The following WDR18 variants were observed in gnomAD, a reference collection of about 807,000 sequenced individuals.
WDR18 encodes WD repeat domain 18.
Under a neutral mutation model 49.6 loss-of-function variants are expected in WDR18, and 33 were observed. That is an observed-to-expected ratio of 0.67 (90% CI 0.50 to 0.89). WDR18 has a LOEUF of 0.89. Ranked by LOEUF, WDR18 falls within the 40% of genes least tolerant of loss-of-function variation. The pLI, the probability that WDR18 is intolerant of heterozygous loss-of-function variation, is 0.00. For synonymous variants in WDR18, 315 were observed against 263.6 expected (o/e 1.19, Z -1.89); for missense variants, 653 against 593.6 (o/e 1.10, Z -1.04).
At chr19:990,532 C>T (rs1440196129) in intron 4 of WDR18, 168 bp downstream of exon 4, 2 of 1,065,768 alleles carry the variant, frequency 1.9e-6, no homozygotes, top group East Asian at 5.7e-5. Context: ...GTCTGCCAGC[C>T]TGGAAATTCC....
At chr19:983,561 C>T (rs1599442054), upstream of WDR18, among the ~76,000 whole-genome samples, 1 of 141,962 alleles carries the variant, frequency 7.0e-6, no homozygotes, top group Admixed American at 7.0e-5. Context: ...AGCGCCCGGC[C>T]TTTTTTTTTT....
At chr19:990,828 C>T in intron 4 of WDR18, 24 bp from the exon 5 acceptor site, 1 of 1,583,720 alleles carries the variant, frequency 6.3e-7, no homozygotes, top group Non-Finnish European at 8.6e-7. Flanking sequence ...CGGGCCGAGC[C>T]CCACGCCCTT....
At chr19:990,783 C>A in intron 4 of WDR18, 69 bp from the exon 5 acceptor site, 3 of 1,525,740 alleles carry the variant, frequency 2.0e-6, no homozygotes, top group East Asian at 4.6e-5. Context: ...CTCCCTGGTG[C>A]CCCTGTTCCC....
At position 992,141 on chromosome 19, in the gene WDR18, A is replaced by ACC; in HGVS notation, c.1098+24_1098+25dup. On this transcript the variant is annotated intron_variant, in intron 8 of 9. Coordinates refer to ENST00000585809, the MANE Select transcript of WDR18 (RefSeq NM_024100.4). ...CAGCAGGTACGGCCCCCAGCAGGGA[A>ACC]CCCCCACTGCCCTTTTGTCCCGGAA... 1 of 1,437,612 alleles carries ACC rather than the reference A, an allele frequency of 7.0e-7. No individual in the cohort carries two copies. Among genetic ancestry groups the ACC allele is most frequent in the Non-Finnish European group, 9.1e-7 (1 of 1,102,584 alleles). The allele number at this position is 1,437,612 out of a possible 1,614,324, so 89.1% of individuals were successfully genotyped here.
chr19:994,138 G>A, intron 9 of WDR18, 50 bp downstream of exon 9: 3 of 1,547,256 alleles, frequency 1.9e-6, no homozygotes, highest in Non-Finnish European at 2.6e-6. Context: ...GTCAGTCCTG[G>A]CCAGTGGGGG....
intron 2 of WDR18, among the ~76,000 whole-genome samples, chr19:987,841 T>G (rs1333437517): frequency 1.4e-5 from 2 of 142,154 alleles, no homozygotes; most frequent in African/African-American, 2.7e-5. Context: ...TTTTTTTTTT[T>G]TTTTTTTTTT....
rs574706540 is a variant in WDR18 at position 992,172 on chromosome 19, C to T, written c.1098+51C>T. On this transcript the variant is annotated intron_variant, in intron 8 of 9. Transcript: ENST00000585809. ...ACTGCCCTTTTGTCCCGGAAGACCC[C>T]GCGGGCCCTGGGCTCCTTCGCTCCC... The T allele has an allele frequency of 4.3e-6, 6 of 1,397,078 alleles. No homozygotes were observed. The East Asian group carries it at 9.0e-5, about 21-fold the overall frequency. The allele number at this position is 1,397,078 out of a possible 1,614,324, so 86.5% of individuals were successfully genotyped here.
At position 989,898 on chromosome 19, in the gene WDR18, A is replaced by ACT; in HGVS notation, c.455+3_455+4insCT. On this transcript the variant is annotated splice_donor_region_variant and intron_variant, in intron 3 of 9. Coordinates refer to ENST00000585809, the MANE Select transcript of WDR18 (RefSeq NM_024100.4). Reference sequence around the variant, plus strand: ...GTGCTGGTTTGGAGCCTCTGCAGGTAGCGCCTTGCGCACTCAGGCCTGCAC... The same window carrying ACT: ...GTGCTGGTTTGGAGCCTCTGCAGGTACTGCGCCTTGCGCACTCAGGCCTGCAC... 1 of 1,603,510 alleles carries ACT rather than the reference A, an allele frequency of 6.2e-7. No individual in the cohort carries two copies. Among genetic ancestry groups the ACT allele is most frequent in the Non-Finnish European group, 8.5e-7 (1 of 1,175,124 alleles).
rs2038503058 is a variant in WDR18 at position 988,814 on chromosome 19, C to T, written c.322-948C>T. ...CGCGTGGAGCCCCTGTGTGTTTGCACTTCTCTCAGCTTACAACAACCGGGA... is the reference window on the plus strand; with the variant it reads ...CGCGTGGAGCCCCTGTGTGTTTGCATTTCTCTCAGCTTACAACAACCGGGA... On this transcript the variant is annotated intron_variant, in intron 2 of 9. Transcript: ENST00000585809. 2.0e-5 allele frequency among the ~76,000 whole-genome samples: 3 copies of T among 152,182 alleles called. No individual in the cohort carries two copies. The South Asian group carries it at 6.2e-4, about 31-fold the overall frequency.
chr19:992,047 C>T lies in WDR18; in HGVS notation c.1024C>T (p.His342Tyr). 2 of 1,587,790 alleles carry T rather than the reference C, an allele frequency of 1.3e-6. No individual in the cohort carries two copies. The highest frequency in any genetic ancestry group is 1.7e-6 in the Non-Finnish European group (2 of 1,171,480). Reference protein sequence around the residue: ...PSLPLPHFNKHLLGAEHGDEP... With the variant: ...PSLPLPHFNKYLLGAEHGDEP... ...CCTGCCGCTGCCCCACTTCAACAAG[C>T]ACCTGCTGGGCGCCGAGCACGGGGA... Residue 342 changes from histidine to tyrosine, a missense_variant, in exon 8 of 10, where the codon CAC (histidine) becomes TAC (tyrosine). His to Tyr is a moderately conservative substitution (Grantham distance 83). Coordinates refer to ENST00000585809, the MANE Select transcript of WDR18 (RefSeq NM_024100.4).
intron 2 of WDR18, among the ~76,000 whole-genome samples, chr19:987,748 G>A (rs1200005932): frequency 6.6e-6 from 1 of 151,160 alleles, no homozygotes; most frequent in African/African-American, 2.4e-5. Flanking sequence ...TGTCTTAGGC[G>A]GGACCCCTTC....
chr19:984,267 C>T (rs1006918448), upstream of WDR18: 3 of 1,323,052 alleles, frequency 2.3e-6, no homozygotes, highest in South Asian at 3.5e-5. Context: ...CCCGCTGGGG[C>T]CGCGGGGCCG....
intron 2 of WDR18, 69 bp downstream of exon 2, chr19:986,044 AC>A: frequency 6.7e-7 from 1 of 1,484,606 alleles, no homozygotes; most frequent in Non-Finnish European, 9.4e-7. Context: ...CCTGCAGGGC[AC>A]CAGGGAACAA....
intron 2 of WDR18, among the ~76,000 whole-genome samples, chr19:989,417 C>T (rs565756543): frequency 1.2e-3 from 185 of 152,254 alleles, no homozygotes; most frequent in Admixed American, 3.5e-3. Context: ...TGAGTGCAGC[C>T]GTTCCTACGG....
At chr19:988,718 G>A (rs530050706) in intron 2 of WDR18, among the ~76,000 whole-genome samples, 3 of 152,240 alleles carry the variant, frequency 2.0e-5, no homozygotes, top group African/African-American at 2.4e-5. Flanking sequence ...CCACCTCTCC[G>A]GTGGTGGCCG....
chr19:989,577 C>T (rs564609550), intron 2 of WDR18, among the ~76,000 whole-genome samples, 185 bp from the exon 3 acceptor site: 87 of 152,286 alleles, frequency 5.7e-4, no homozygotes, highest in African/African-American at 1.7e-3. Flanking sequence ...GGCAGGGGCG[C>T]GACGAGGCCC....
intron 8 of WDR18, 132 bp from the exon 9 acceptor site, chr19:993,888 C>A: frequency 1.0e-6 from 1 of 990,790 alleles, no homozygotes; most frequent in Non-Finnish European, 1.5e-6. Context: ...CTCAGTCTTC[C>A]CTTCTGTCTG....
chr19:989,411 T>G (rs1356915415), intron 2 of WDR18, among the ~76,000 whole-genome samples: 3 of 152,066 alleles, frequency 2.0e-5, no homozygotes. Flanking sequence ...AGGTCCTGAG[T>G]GCAGCCGTTC....
At chr19:992,626 C>T (rs2038575181) in intron 8 of WDR18, among the ~76,000 whole-genome samples, 1 of 152,208 alleles carries the variant, frequency 6.6e-6, no homozygotes, top group Admixed American at 6.5e-5. Context: ...GACCCCCGCT[C>T]TGTGCAGGTA....
Sources: gnomAD v4.1 joint callset for allele counts (sites outside exome capture counted in the v4.1 genomes callset) on GRCh38, gnomAD v4.1.1 for gene constraint, MANE v1.5 for transcripts, NCBI Gene and HGNC (gene_info 2026-07-23, HGNC 2026-07-21) for gene names.